Variants in RPRD1A observed in about 807,000 individuals in gnomAD.
RPRD1A encodes regulation of nuclear pre-mRNA domain containing 1A, also known as regulation of nuclear pre-mRNA domain-containing protein 1A.
Under a neutral mutation model 37.8 loss-of-function variants are expected in RPRD1A, and 9 were observed. The ratio of observed to expected loss-of-function variants is 0.24; its 90% CI spans 0.14 to 0.42. RPRD1A has a LOEUF of 0.42. Ranked by LOEUF, RPRD1A falls within the 10% of genes least tolerant of loss-of-function variation. RPRD1A has a pLI of 1.00. For missense variants in RPRD1A, 255 were observed against 371.0 expected (o/e 0.69, Z 2.57); for synonymous variants, 138 against 139.7 (o/e 0.99, Z 0.08).
chr18:36,035,894 G>C (rs756170425), intron 1 of RPRD1A, among the ~76,000 whole-genome samples: 8 of 152,028 alleles, frequency 5.3e-5, no homozygotes, highest in Non-Finnish European at 1.0e-4. Context: ...CAAATTCATA[G>C]AAAAAAAGAG....
At chr18:36,029,907 G>A (rs764279246) in intron 4 of RPRD1A, among the ~76,000 whole-genome samples, 1 of 151,574 alleles carries the variant, frequency 6.6e-6, no homozygotes, top group African/African-American at 2.4e-5. Flanking sequence ...CCAGGTTCAC[G>A]CCATTCTCCT....
intron 6 of RPRD1A, among the ~76,000 whole-genome samples, chr18:36,020,115 A>C (rs1367849884): frequency 6.6e-6 from 1 of 152,166 alleles, no homozygotes; most frequent in African/African-American, 2.4e-5. Context: ...ACAGGAAATA[A>C]TGACCGAAAG....
chr18:36,015,185 C>T (rs1163750140), intron 6 of RPRD1A, among the ~76,000 whole-genome samples: 3 of 148,158 alleles, frequency 2.0e-5, no homozygotes, highest in African/African-American at 7.6e-5. Context: ...CACACACACA[C>T]ACACACACAC....
At chr18:36,044,923 C>A (rs1214496611) in intron 1 of RPRD1A, among the ~76,000 whole-genome samples, 2 of 151,856 alleles carry the variant, frequency 1.3e-5, no homozygotes, top group African/African-American at 4.8e-5. Context: ...ATATACAAAT[C>A]CATGAGTTCA....
chr18:36,033,504 T>A (rs1045347848), intron 2 of RPRD1A, among the ~76,000 whole-genome samples: 1 of 152,080 alleles, frequency 6.6e-6, no homozygotes, highest in Non-Finnish European at 1.5e-5. Context: ...AGGCCCACCT[T>A]AGCAACAGTT....
chr18:36,057,044 G>A (rs1913828703), intron 1 of RPRD1A, among the ~76,000 whole-genome samples: 1 of 59,378 alleles, frequency 1.7e-5, no homozygotes, highest in Non-Finnish European at 2.9e-5. Context: ...GCTAGACCCT[G>A]TTTCTACAAA....
intron 1 of RPRD1A, among the ~76,000 whole-genome samples, chr18:36,049,064 G>C (rs1913178817): frequency 6.6e-6 from 1 of 152,118 alleles, no homozygotes; most frequent in South Asian, 2.1e-4. Context: ...ACCACTGCCG[G>C]CTAATTTTTG....
intron 1 of RPRD1A, among the ~76,000 whole-genome samples, chr18:36,037,400 G>A (rs1361171307): frequency 2.0e-5 from 3 of 152,192 alleles, no homozygotes; most frequent in Non-Finnish European, 4.4e-5. Flanking sequence ...GCCACCATGT[G>A]AATAAGGACG....
chr18:36,060,924 T>C (rs551030595), intron 1 of RPRD1A, among the ~76,000 whole-genome samples: 9 of 150,786 alleles, frequency 6.0e-5, no homozygotes, highest in Admixed American at 2.6e-4. Context: ...AGCCCAAGAG[T>C]TCAAGAGCAG....
chr18:36,015,576 G>A (rs1910497822), intron 6 of RPRD1A, among the ~76,000 whole-genome samples: 1 of 152,122 alleles, frequency 6.6e-6, no homozygotes, highest in South Asian at 2.1e-4. Context: ...AGCAACCCAA[G>A]TATACAGCCA....
At chr18:36,011,735 CA>C (rs1319283300) in intron 6 of RPRD1A, among the ~76,000 whole-genome samples, 3 of 152,004 alleles carry the variant, frequency 2.0e-5, no homozygotes, top group African/African-American at 7.2e-5. Context: ...CTTCCACAAA[CA>C]AAAAAGCTCA....
At chr18:36,064,053 A>G (rs1219321636) in intron 1 of RPRD1A, 1 of 152,268 alleles carries the variant, frequency 6.6e-6, no homozygotes, top group Non-Finnish European at 1.5e-5. Context: ...AATACATTAA[A>G]TATTAGATAG....
intron 6 of RPRD1A, among the ~76,000 whole-genome samples, chr18:36,022,848 G>C (rs1911082085): frequency 1.3e-5 from 2 of 152,194 alleles, no homozygotes; most frequent in South Asian, 2.1e-4. Context: ...TGCAGTCCTA[G>C]CTACTTTGGA....
At chr18:36,036,807 T>C (rs72884924) in intron 1 of RPRD1A, among the ~76,000 whole-genome samples, 5,566 of 152,262 alleles carry the variant, frequency 0.037, 160 homozygotes, top group Non-Finnish European at 0.056. Context: ...GAGAAACAGT[T>C]AACAGAAAGG....
chr18:36,052,497 C>A (rs888676695), intron 1 of RPRD1A, among the ~76,000 whole-genome samples: 5 of 151,928 alleles, frequency 3.3e-5, no homozygotes. Context: ...TCAAATGGCA[C>A]ACAACATATA....
At chr18:36,047,894 T>C (rs920481309) in intron 1 of RPRD1A, among the ~76,000 whole-genome samples, 9 of 152,074 alleles carry the variant, frequency 5.9e-5, no homozygotes, top group Non-Finnish European at 1.3e-4. Context: ...TTTTACCAAA[T>C]GTTTAAAGAA....
intron 6 of RPRD1A, among the ~76,000 whole-genome samples, chr18:36,013,922 A>G: frequency 6.6e-6 from 1 of 152,192 alleles, no homozygotes. Flanking sequence ...ATAAAAAACC[A>G]TAAGGAAGGA....
At chr18:36,057,450 T>C (rs1913871805) in intron 1 of RPRD1A, among the ~76,000 whole-genome samples, 2 of 151,702 alleles carry the variant, frequency 1.3e-5, no homozygotes, top group South Asian at 2.1e-4. Flanking sequence ...CTACAAAAAA[T>C]ACAAAAAAAA....
At chr18:36,023,693 C>A (rs1484991564) in intron 6 of RPRD1A, among the ~76,000 whole-genome samples, 2 of 152,160 alleles carry the variant, frequency 1.3e-5, no homozygotes, top group East Asian at 1.9e-4. Context: ...ACTGCCATAG[C>A]CACATCCTTC....
Sources: gnomAD v4.1 joint callset for allele counts (sites outside exome capture counted in the v4.1 genomes callset) on GRCh38, gnomAD v4.1.1 for gene constraint, MANE v1.5 for transcripts, NCBI Gene and HGNC (gene_info 2026-07-23, HGNC 2026-07-21) for gene names.